Variants in PTOV1 observed in about 807,000 individuals in gnomAD.
PTOV1 encodes prostate tumor-overexpressed gene 1 protein.
In PTOV1, 20 loss-of-function variants were observed where a neutral mutation model predicts 58.0. The observed-to-expected ratio is 0.34, with a 90% CI of 0.24 to 0.50. The LOEUF (loss-of-function observed/expected upper bound fraction) is 0.50, where lower values mean the gene tolerates loss of function less well. Among genes scored for constraint, PTOV1 ranks in the 20% least tolerant of loss-of-function variants. The pLI, the probability that PTOV1 is intolerant of heterozygous loss-of-function variation, is 0.98. For synonymous variants in PTOV1, 335 were observed against 234.2 expected, an observed-to-expected ratio of 1.43 and a Z score of -3.93; for missense variants, 593 against 565.4, an observed-to-expected ratio of 1.05 and a Z score of -0.50.
Position 49,851,192 on chromosome 19 carries a change from C to T in PTOV1, c.-137C>T, listed in dbSNP as rs1425552816. 5 of 1,213,966 alleles carry T rather than the reference C, an allele frequency of 4.1e-6. No individual in the cohort carries two copies. In the African/African-American group the frequency reaches 4.8e-5, roughly 12 times the overall value. The allele number at this position is 1,213,966 out of a possible 1,614,324, so 75.2% of individuals were successfully genotyped here. On this transcript the variant is annotated 5_prime_UTR_variant, in exon 1 of 12. Coordinates refer to ENST00000391842, the Ensembl canonical transcript of PTOV1. Reference sequence around the variant, plus strand: ...GGCCGCGGCGACCCCACTCCGGCGGCGCGTCCCCCGAGCTTGGTACGGCTC... The same window carrying T: ...GGCCGCGGCGACCCCACTCCGGCGGTGCGTCCCCCGAGCTTGGTACGGCTC...
chr19:49,858,994 G>A, intron 10 of PTOV1: 1 of 219,340 alleles, frequency 4.6e-6, no homozygotes, highest in African/African-American at 2.3e-5. Context: ...GCTGGGCAGG[G>A]AGGGCTGTCT....
chr19:49,859,993 G>A lies in PTOV1; in HGVS notation c.1049G>A (p.Cys350Tyr), dbSNP rs1600405200. ...ACGCCCTGTGCCTGCCAGGCCGGCT[G>A]CGTGCACTTTTCCTACAAAGCATCG... The change falls in exon 11 of 12, where the codon TGC becomes TAC. Residue 350 changes from cysteine (C) to tyrosine (Y), a missense_variant. Physicochemically the swap from Cys to Tyr is radical, Grantham distance 194 (BLOSUM62 -2). Coordinates refer to ENST00000391842, the Ensembl canonical transcript of PTOV1. 6.2e-7 allele frequency: 1 copy of A among 1,614,126 alleles called. No homozygotes were observed. Among genetic ancestry groups the A allele is most frequent in the South Asian group, 1.1e-5 (1 of 91,092 alleles).
At chr19:49,858,443 C>A in intron 9 of PTOV1, 106 bp from the exon 10 acceptor site, 2 of 863,826 alleles carry the variant, frequency 2.3e-6, no homozygotes, top group Non-Finnish European at 1.8e-6. Context: ...GTAGGGAGGA[C>A]AGGGGAGTCT....
chr19:49,857,736 TCAA>T lies in PTOV1; in HGVS notation c.765_767del (p.Asn255del), dbSNP rs755915805. 491 of 1,614,112 alleles carry T rather than the reference TCAA, an allele frequency of 3.0e-4. 1 individual carries two copies. The highest frequency in any genetic ancestry group is 1.8e-3 in the South Asian group (162 of 91,080). ...GTCAACTCAGGCCCAGTCCAGATCG[TCAA>T]CAACAAGTTTCTGGCATGGAGTGGT... is the stretch of plus-strand genomic sequence containing the variant. On this transcript the variant is annotated inframe_deletion, in exon 7 of 12. Coordinates refer to ENST00000391842, the Ensembl canonical transcript of PTOV1.
exon 12 of PTOV1, chr19:49,860,364 A>C: frequency 3.3e-6 from 2 of 598,210 alleles, no homozygotes; most frequent in Non-Finnish European, 2.8e-6. Flanking sequence ...CATGTACAGG[A>C]GGGACCCTGG....
intron 1 of PTOV1, chr19:49,852,687 C>T (rs1312357176): frequency 2.6e-5 from 4 of 152,288 alleles, no homozygotes; most frequent in East Asian, 3.9e-4. Flanking sequence ...TATTTGAAGT[C>T]CTGAGTCAAC....
intron 1 of PTOV1, chr19:49,852,066 A>C: frequency 1.0e-6 from 1 of 985,460 alleles, no homozygotes; most frequent in South Asian, 4.7e-5. Context: ...TCAGCTTCGC[A>C]GGTACTTTGG....
At chr19:49,860,670 G>T in exon 12 of PTOV1, 1 of 398,642 alleles carries the variant, frequency 2.5e-6, no homozygotes, top group East Asian at 4.4e-5. Flanking sequence ...CAACATGGAG[G>T]ATGGTGTCCT....
Position 49,858,547 on chromosome 19 carries a change from A to G in PTOV1, c.937-2A>G. On this transcript the variant is annotated splice_acceptor_variant, in intron 9 of 11. Coordinates refer to ENST00000391842, the Ensembl canonical transcript of PTOV1. LOFTEE classifies it high-confidence loss of function. ...GCTGGGGGTCCCCTCGCTTCCCCGC[A>G]GACCACCCTAGTGCCGCTGTTCCGG... 1 of 1,593,970 alleles carries G rather than the reference A, an allele frequency of 6.3e-7. No individual in the cohort carries two copies. Among genetic ancestry groups the G allele is most frequent in the Non-Finnish European group, 8.6e-7 (1 of 1,169,390 alleles).
intron 9 of PTOV1, 185 bp from the exon 10 acceptor site, chr19:49,858,364 G>C (rs1009524620): frequency 5.1e-5 from 35 of 682,120 alleles, no homozygotes; most frequent in South Asian, 4.6e-4. Context: ...GCTGCCAAGG[G>C]ATCTGAGAGC....
intron 10 of PTOV1, 69 bp downstream of exon 10, chr19:49,858,722 G>A: frequency 7.6e-7 from 1 of 1,309,248 alleles, no homozygotes; most frequent in Non-Finnish European, 1.1e-6. Context: ...GCTCACGGGG[G>A]CGGACATGGG....
chr19:49,859,863 G>A, intron 10 of PTOV1, 123 bp from the exon 11 acceptor site: 1 of 1,058,566 alleles, frequency 9.4e-7, no homozygotes, highest in Non-Finnish European at 1.4e-6. Flanking sequence ...GGGTGGGTGG[G>A]GGGTGTGAGG....
chr19:49,857,379 G>A (rs2074520747), intron 6 of PTOV1: 3 of 623,618 alleles, frequency 4.8e-6, no homozygotes, highest in Non-Finnish European at 5.6e-6. Flanking sequence ...CGGGGAGCTG[G>A]GCAGGGGTTG....
intron 6 of PTOV1, chr19:49,857,463 T>A (rs897194403): frequency 3.3e-6 from 2 of 612,230 alleles, no homozygotes; most frequent in Admixed American, 5.9e-5. Context: ...TGAGGCAGAC[T>A]CTGCAGGTCC....
intron 1 of PTOV1, chr19:49,852,007 T>C (rs1412481080): frequency 2.0e-6 from 2 of 985,490 alleles, no homozygotes; most frequent in South Asian, 9.4e-5. Context: ...CGCCCACATG[T>C]GGGATGCTTT....
At chr19:49,857,542 A>AG (rs1568646589) in intron 6 of PTOV1, 151 bp from the exon 7 acceptor site, 9 of 730,728 alleles carry the variant, frequency 1.2e-5, no homozygotes, top group Non-Finnish European at 2.1e-5. Context: ...TGAGCAGATG[A>AG]GGGGCAGGGC....
At chr19:49,851,141 G>A (rs2074224517), upstream of PTOV1, 2 of 1,316,900 alleles carry the variant, frequency 1.5e-6, no homozygotes, top group African/African-American at 1.6e-5. Context: ...GTACGCGCCG[G>A]GCTCCCCCGC....
At chr19:49,852,771 C>T (rs992317034) in intron 1 of PTOV1, 1 of 152,228 alleles carries the variant, frequency 6.6e-6, no homozygotes, top group Non-Finnish European at 1.5e-5. Flanking sequence ...TTTTACCCAT[C>T]TTTGTGGCAG....
At position 49,854,903 on chromosome 19, in the gene PTOV1, T is replaced by TCCCAC. The variant is rs2074394289; in HGVS notation, c.450+20_450+24dup. On this transcript the variant is annotated intron_variant, in intron 4 of 11. Transcript: ENST00000391842. ...AGCAGCTGCTGGTGAGACCCGCCCC[T>TCCCAC]CCCACCCCATCCACTCTGAGCACCC... 8.2e-7 allele frequency: 1 copy of TCCCAC among 1,218,326 alleles called. No individual in the cohort carries two copies. The highest frequency in any genetic ancestry group is 1.1e-6 in the Non-Finnish European group (1 of 910,144). The allele number at this position is 1,218,326 out of a possible 1,614,324, so 75.5% of individuals were successfully genotyped here.
Sources: gnomAD v4.1 joint callset for allele counts on GRCh38, gnomAD v4.1.1 for gene constraint, MANE v1.5 for transcripts, NCBI Gene and HGNC (gene_info 2026-07-23, HGNC 2026-07-21) for gene names.